Variants in LSG1 observed in about 807,000 individuals in gnomAD.
The protein encoded by LSG1 is large subunit GTPase 1 homolog.
In LSG1, 55 loss-of-function variants were observed where a neutral mutation model predicts 82.6. That is an observed-to-expected ratio of 0.67 (90% confidence interval 0.54 to 0.83). The LOEUF (loss-of-function observed/expected upper bound fraction) is 0.83. Ranked by LOEUF, LSG1 falls within the 40% of genes least tolerant of loss-of-function variation. The pLI is 0.00. For synonymous variants in LSG1, 272 were observed against 282.5 expected, an observed-to-expected ratio of 0.96 and a Z score of 0.37; for missense variants, 809 against 807.9, an observed-to-expected ratio of 1.00 and a Z score of -0.02.
intron 1 of LSG1, 43 bp downstream of exon 1, chr3:194,672,021 G>A: frequency 6.4e-7 from 1 of 1,572,406 alleles, no homozygotes; most frequent in Non-Finnish European, 8.7e-7. Context: ...GCAGCACTCA[G>A]GCTAGACAGA....
Position 194,649,298 on chromosome 3 carries a change from C to A in LSG1, c.1420-494G>T, listed in dbSNP as rs114114135. 3.6e-3 allele frequency among the ~76,000 whole-genome samples: 547 copies of A among 152,224 alleles called. 2 individuals are homozygous for A. Among genetic ancestry groups the A allele is most frequent in the African/African-American group, 0.013 (527 of 41,548 alleles). ...CAACAGACTGATGCTTCGTAAAGGGCAGGAGCCATCTCTATTTATGCCCTA... is the reference window on the plus strand; with the variant it reads ...CAACAGACTGATGCTTCGTAAAGGGAAGGAGCCATCTCTATTTATGCCCTA... On this transcript the variant is annotated intron_variant, in intron 10 of 13. Coordinates refer to ENST00000265245, the MANE Select transcript of LSG1 (RefSeq NM_018385.3).
In LSG1 at chr3:194,650,861, T is replaced by G. The variant is rs2108616796; in HGVS notation, c.1419+20A>C. On this transcript the variant is annotated intron_variant, in intron 10 of 13. Coordinates refer to ENST00000265245, the MANE Select transcript of LSG1 (RefSeq NM_018385.3). ...AATATGCACGTAATAACTAGAGTGT[T>G]TCCAAAGCAGAAAGGATATTAGTGA... is the stretch of plus-strand genomic sequence containing the variant. 1 of 1,601,336 alleles carries G rather than the reference T, an allele frequency of 6.2e-7. No homozygotes were observed. The highest frequency in any genetic ancestry group is 2.2e-5 in the East Asian group (1 of 44,760).
chr3:194,649,251 C>T (rs1718621678), intron 10 of LSG1, among the ~76,000 whole-genome samples: 1 of 152,154 alleles, frequency 6.6e-6, no homozygotes, highest in South Asian at 2.1e-4. Flanking sequence ...TAGAGTTATT[C>T]AAGTACATGC....
intron 5 of LSG1, among the ~76,000 whole-genome samples, chr3:194,662,560 C>T (rs1295991917): frequency 2.6e-5 from 4 of 152,204 alleles, no homozygotes; most frequent in East Asian, 1.9e-4. Flanking sequence ...GTCAGGAGTT[C>T]GAGACCAGCC....
chr3:194,672,031 A>G (rs1485077473), intron 1 of LSG1, 33 bp downstream of exon 1: 1 of 1,594,090 alleles, frequency 6.3e-7, no homozygotes. Context: ...GGCTAGACAG[A>G]AAAGATAAGA....
rs541624396 is a variant in LSG1 at position 194,641,787 on chromosome 3, T to G, written c.*281A>C. 3.1e-4 allele frequency: 80 copies of G among 254,626 alleles called. 1 individual carries two copies. The East Asian group carries it at 5.8e-3, about 18-fold the overall frequency. The allele number at this position is 254,626 out of a possible 1,614,324, so 15.8% of individuals were successfully genotyped here. A position where few individuals can be genotyped will look rare whatever the true frequency, so the allele number is the denominator to read the frequency against. ...CGCCACCACGCCTGGCTAATTTTTTTGTATTTTTAGTAGAGACGGGGTTTC... is the reference window on the plus strand; with the variant it reads ...CGCCACCACGCCTGGCTAATTTTTTGGTATTTTTAGTAGAGACGGGGTTTC... On this transcript the variant is annotated 3_prime_UTR_variant, in exon 14 of 14. Coordinates refer to ENST00000265245, the MANE Select transcript of LSG1 (RefSeq NM_018385.3).
At chr3:194,667,918 C>T (rs1445351069) in intron 2 of LSG1, among the ~76,000 whole-genome samples, 7 of 17,028 alleles carry the variant, frequency 4.1e-4, no homozygotes, top group African/African-American at 8.7e-4. Context: ...AGAGAGACTC[C>T]GTCTCAAAAA....
chr3:194,652,890 C>T lies in LSG1; in HGVS notation c.1012G>A (p.Glu338Lys), dbSNP rs765264307. The change falls in exon 8 of 14, where the codon GAA (glutamate) becomes AAA (lysine). Residue 338 changes from glutamate to lysine, a missense_variant. By Grantham distance (56) the Glu-to-Lys change is moderately conservative. Coordinates refer to ENST00000265245, the MANE Select transcript of LSG1 (RefSeq NM_018385.3). ...GCCTCAGAATCTGCAGTAGAGCTTT[C>T]CTTCCAGTCCTGGCTGCAGTCCTCT... is the stretch of plus-strand genomic sequence containing the variant. ...KEEDCSQDWK[E>K]SSTADSEARS... 6.2e-7 allele frequency: 1 copy of T among 1,614,126 alleles called. No homozygotes were observed. The highest frequency in any genetic ancestry group is 8.5e-7 in the Non-Finnish European group (1 of 1,180,038).
At chr3:194,669,854 C>T (rs565336838) in intron 2 of LSG1, among the ~76,000 whole-genome samples, 155 bp downstream of exon 2, 1 of 152,226 alleles carries the variant, frequency 6.6e-6, no homozygotes, top group African/African-American at 2.4e-5. Flanking sequence ...ATTGCTTGAA[C>T]CCAGGAGGCG....
chr3:194,654,766 G>A (rs1425402836), intron 7 of LSG1, among the ~76,000 whole-genome samples: 2 of 152,172 alleles, frequency 1.3e-5, no homozygotes, highest in Non-Finnish European at 2.9e-5. Context: ...GGACTTTGCC[G>A]TAATTATGTT....
intron 1 of LSG1, among the ~76,000 whole-genome samples, chr3:194,670,552 G>C (rs1719123149): frequency 6.6e-6 from 1 of 152,164 alleles, no homozygotes; most frequent in South Asian, 2.1e-4. Flanking sequence ...ACCCAAAGGT[G>C]TATGTACATA....
intron 12 of LSG1, chr3:194,644,947 C>T: frequency 2.5e-6 from 1 of 404,394 alleles, no homozygotes; most frequent in Middle Eastern, 6.4e-4. Context: ...CTAGCTCTTC[C>T]CATGGCGCCC....
Position 194,658,945 on chromosome 3 carries a change from CCCTCAGGTTA to C in LSG1, c.759+2_759+11del. 1 of 1,594,082 alleles carries C rather than the reference CCCTCAGGTTA, an allele frequency of 6.3e-7. No individual in the cohort carries two copies. The highest frequency in any genetic ancestry group is 1.3e-5 in the African/African-American group (1 of 74,390). ...CTCTTTGAAAGCCAACCTAAAATGT[CCCTCAGGTTA>C]CCTCAGAGTCACCATTCAGGGGAAT... On this transcript the variant is annotated splice_donor_variant and splice_donor_5th_base_variant and intron_variant, in intron 7 of 13. Transcript: ENST00000265245. LOFTEE classifies it high-confidence loss of function.
chr3:194,665,026 CCTTT>C (rs1445414463), intron 5 of LSG1, among the ~76,000 whole-genome samples: 1 of 152,256 alleles, frequency 6.6e-6, no homozygotes, highest in Admixed American at 6.5e-5. Flanking sequence ...CAGCCCACTG[CCTTT>C]CTATCTGCAG....
At chr3:194,652,650 T>A (rs1577253869) in intron 8 of LSG1, 79 bp downstream of exon 8, 1 of 1,498,546 alleles carries the variant, frequency 6.7e-7, no homozygotes, top group East Asian at 2.3e-5. Context: ...CTGGTTGGTC[T>A]TTGGGGTCGT....
At chr3:194,651,346 C>A in intron 8 of LSG1, 130 bp from the exon 9 acceptor site, 1 of 669,018 alleles carries the variant, frequency 1.5e-6, no homozygotes. Context: ...GAAATCCATG[C>A]TGTGTTTGTT....
intron 5 of LSG1, among the ~76,000 whole-genome samples, chr3:194,664,655 C>A (rs1718995508): frequency 1.3e-5 from 2 of 152,146 alleles, no homozygotes; most frequent in South Asian, 4.1e-4. Context: ...GTGGCTCATG[C>A]CTGTAATCCT....
intron 10 of LSG1, 23 bp downstream of exon 10, chr3:194,650,858 T>C: frequency 1.9e-6 from 3 of 1,596,190 alleles, no homozygotes; most frequent in Non-Finnish European, 2.6e-6. Flanking sequence ...ATAACTAGAG[T>C]GTTTCCAAAG....
intron 2 of LSG1, among the ~76,000 whole-genome samples, chr3:194,668,505 GTTTA>G (rs1209197744): frequency 6.6e-6 from 1 of 152,112 alleles, no homozygotes; most frequent in African/African-American, 2.4e-5. Flanking sequence ...AAACCCAGGA[GTTTA>G]TTTTTGTCCC....
Sources: allele counts gnomAD v4.1 joint callset (sites outside exome capture counted in the v4.1 genomes callset), GRCh38; gene constraint gnomAD v4.1.1; transcripts MANE v1.5; gene names NCBI Gene and HGNC (gene_info 2026-07-23, HGNC 2026-07-21).